Variants in DEPDC1B observed in about 807,000 individuals in gnomAD.
DEPDC1B encodes DEP domain-containing protein 1B.
In DEPDC1B, 51 loss-of-function variants were observed where a neutral mutation model predicts 66.5. The ratio of observed to expected loss-of-function variants is 0.77; its 90% CI spans 0.61 to 0.97. The LOEUF (loss-of-function observed/expected upper bound fraction) is 0.97. Ranked by LOEUF, DEPDC1B falls within the 50% of genes least tolerant of loss-of-function variation. The probability of loss-of-function intolerance (pLI) is 0.00; values close to 1 mark genes in which losing one functional copy is unlikely to be tolerated. For missense variants in DEPDC1B, 552 were observed against 637.1 expected, an observed-to-expected ratio of 0.87 and a Z score of 1.44; for synonymous variants, 226 against 223.6, an observed-to-expected ratio of 1.01 and a Z score of -0.10.
At chr5:60,698,243 T>C (rs1754699896) in intron 1 of DEPDC1B, among the ~76,000 whole-genome samples, 1 of 152,268 alleles carries the variant, frequency 6.6e-6, no homozygotes, top group Non-Finnish European at 1.5e-5. Flanking sequence ...ATGAGTGCAA[T>C]GATTCTTCCC....
Position 60,644,739 on chromosome 5 carries a change from A to C in DEPDC1B, c.709+6T>G, listed in dbSNP as rs1488325537. 1.3e-6 allele frequency: 2 copies of C among 1,582,888 alleles called. No individual in the cohort carries two copies. The highest frequency in any genetic ancestry group is 1.7e-6 in the Non-Finnish European group (2 of 1,167,244). On this transcript the variant is annotated splice_donor_region_variant and intron_variant, in intron 5 of 10. Transcript: ENST00000265036. ...ATAAGTAACAAAATTATATTTATGCACTTACTTGACTTGTCATCAAGAATA... is the reference window on the plus strand; with the variant it reads ...ATAAGTAACAAAATTATATTTATGCCCTTACTTGACTTGTCATCAAGAATA...
intron 2 of DEPDC1B, among the ~76,000 whole-genome samples, chr5:60,671,441 A>G (rs1478949290): frequency 6.6e-6 from 1 of 152,218 alleles, no homozygotes; most frequent in Non-Finnish European, 1.5e-5. Flanking sequence ...CTTCCAGCCC[A>G]CCAAGGAGCA....
intron 2 of DEPDC1B, among the ~76,000 whole-genome samples, chr5:60,665,452 A>C (rs182631058): frequency 2.0e-5 from 3 of 152,294 alleles, no homozygotes; most frequent in Admixed American, 2.0e-4. Context: ...TTCCAAAATC[A>C]AAGCTGTAAA....
intron 7 of DEPDC1B, among the ~76,000 whole-genome samples, chr5:60,619,083 C>T (rs1752638572): frequency 2.0e-5 from 3 of 152,198 alleles, no homozygotes; most frequent in Admixed American, 1.3e-4. Context: ...TGACAAATTT[C>T]AACAGCCCTT....
chr5:60,609,946 C>G (rs562930886), intron 7 of DEPDC1B, among the ~76,000 whole-genome samples: 36 of 152,166 alleles, frequency 2.4e-4, no homozygotes, highest in Non-Finnish European at 4.7e-4. Flanking sequence ...GTATACATTA[C>G]TACCACTTAA....
intron 7 of DEPDC1B, chr5:60,628,472 T>C (rs1187508258): frequency 6.6e-6 from 1 of 152,156 alleles, no homozygotes; most frequent in Non-Finnish European, 1.5e-5. Flanking sequence ...GAGTTAATTG[T>C]AGTTTTTGAC....
chr5:60,605,556 G>A (rs1297578785), intron 8 of DEPDC1B, 134 bp downstream of exon 8: 2 of 914,018 alleles, frequency 2.2e-6, no homozygotes, highest in Admixed American at 6.0e-5. Context: ...CACGACACAA[G>A]TCTGGGTGGA....
At chr5:60,659,001 C>T (rs1208569454) in intron 2 of DEPDC1B, among the ~76,000 whole-genome samples, 3 of 152,168 alleles carry the variant, frequency 2.0e-5, no homozygotes, top group African/African-American at 7.2e-5. Context: ...GCTAGAGGCT[C>T]ACCATTTTCC....
chr5:60,606,734 A>G (rs1752318806), intron 7 of DEPDC1B, among the ~76,000 whole-genome samples: 1 of 151,708 alleles, frequency 6.6e-6, no homozygotes, highest in Admixed American at 6.6e-5. Context: ...TTGAGGTTAC[A>G]GTGAGCCATA....
intron 7 of DEPDC1B, among the ~76,000 whole-genome samples, chr5:60,621,567 GA>G (rs1384362801): frequency 6.6e-6 from 1 of 151,050 alleles, no homozygotes; most frequent in Non-Finnish European, 1.5e-5. Flanking sequence ...ATAGCATTAG[GA>G]GACACACCTA....
intron 8 of DEPDC1B, among the ~76,000 whole-genome samples, chr5:60,604,825 C>A (rs1752277708): frequency 6.6e-6 from 1 of 152,122 alleles, no homozygotes; most frequent in South Asian, 2.1e-4. Flanking sequence ...ATAAAGTTTT[C>A]TTCAGCTTTT....
rs371007214 is a variant in DEPDC1B at position 60,618,446 on chromosome 5, T to C, written c.899-12590A>G. 3.3e-5 allele frequency among the ~76,000 whole-genome samples: 5 copies of C among 152,144 alleles called. No individual in the cohort carries two copies. The East Asian group carries it at 9.7e-4, about 29-fold the overall frequency. On this transcript the variant is annotated intron_variant, in intron 7 of 10. Transcript: ENST00000265036. ...ATCAAATAGATGCAATAAAAAATGA[T>C]AAAGGGGATATCACCACCTATCCCA...
At chr5:60,628,336 C>T (rs374773513) in intron 7 of DEPDC1B, 4 of 152,070 alleles carry the variant, frequency 2.6e-5, no homozygotes, top group Admixed American at 6.6e-5. Context: ...TGTACAACGT[C>T]AAGAGCAAGC....
intron 2 of DEPDC1B, among the ~76,000 whole-genome samples, chr5:60,674,307 T>C (rs1202559075): frequency 6.6e-6 from 1 of 152,142 alleles, no homozygotes; most frequent in Non-Finnish European, 1.5e-5. Flanking sequence ...AAGGACATTA[T>C]AAAACAAAAG....
At chr5:60,692,478 A>AT (rs1410204433) in intron 1 of DEPDC1B, among the ~76,000 whole-genome samples, 1 of 151,974 alleles carries the variant, frequency 6.6e-6, no homozygotes, top group Non-Finnish European at 1.5e-5. Context: ...CAAAACTAAA[A>AT]TTTTTTTTAG....
At chr5:60,608,868 G>A (rs1403097089) in intron 7 of DEPDC1B, among the ~76,000 whole-genome samples, 6 of 152,102 alleles carry the variant, frequency 3.9e-5, no homozygotes, top group Non-Finnish European at 8.8e-5. Context: ...CAGCATTTTG[G>A]GAGGCCAAGA....
chr5:60,687,761 A>G, intron 1 of DEPDC1B: 1 of 195,588 alleles, frequency 5.1e-6, no homozygotes, highest in South Asian at 6.1e-5. Flanking sequence ...CTTGATCTCA[A>G]GTGATCCAGC....
chr5:60,620,282 G>C (rs1214786646), intron 7 of DEPDC1B, among the ~76,000 whole-genome samples: 2 of 152,168 alleles, frequency 1.3e-5, no homozygotes, highest in Non-Finnish European at 2.9e-5. Context: ...AGCCAAAATT[G>C]ACAAACAGGA....
At position 60,597,523 on chromosome 5, in the gene DEPDC1B, A is replaced by G; in HGVS notation, c.*230T>C. ...TTACAAACATGTTAACATTATCACT[A>G]TATATTTGACTCATAAATTTTAACC... On this transcript the variant is annotated 3_prime_UTR_variant, in exon 11 of 11. Coordinates refer to ENST00000265036, the MANE Select transcript of DEPDC1B (RefSeq NM_018369.3). 2.4e-6 allele frequency: 1 copy of G among 423,596 alleles called. No homozygotes were observed. Among genetic ancestry groups the G allele is most frequent in the Non-Finnish European group, 4.1e-6 (1 of 241,028 alleles). 26.2% of individuals were successfully genotyped at this position (423,596 alleles called of 1,614,324 possible). A position where few individuals can be genotyped will look rare whatever the true frequency, so the allele number is the denominator to read the frequency against.
Sources: allele counts gnomAD v4.1 joint callset (sites outside exome capture counted in the v4.1 genomes callset), GRCh38; gene constraint gnomAD v4.1.1; transcripts MANE v1.5; gene names NCBI Gene and HGNC (gene_info 2026-07-23, HGNC 2026-07-21).